CCDC85C: variants seen among roughly 807,000 people sequenced by gnomAD.
The protein encoded by CCDC85C is coiled-coil domain containing 85C.
In CCDC85C, 18 loss-of-function variants were observed where a neutral mutation model predicts 38.3. The observed-to-expected ratio is 0.47, with a 90% CI of 0.33 to 0.70. The LOEUF (loss-of-function observed/expected upper bound fraction) is 0.70, where lower values mean the gene tolerates loss of function less well. CCDC85C is among the 30% of genes least tolerant of loss of function. CCDC85C has a pLI of 0.03. For synonymous variants in CCDC85C, 264 were observed against 293.8 expected, an observed-to-expected ratio of 0.90 and a Z score of 1.04; for missense variants, 566 against 621.2, an observed-to-expected ratio of 0.91 and a Z score of 0.94.
intron 1 of CCDC85C, among the ~76,000 whole-genome samples, chr14:99,573,874 A>C (rs1898412754): frequency 6.6e-6 from 1 of 151,882 alleles, no homozygotes; most frequent in African/African-American, 2.4e-5. Context: ...GCCGCCGAGC[A>C]CTCCAGGGCC....
chr14:99,595,115 G>A lies in CCDC85C; in HGVS notation c.793+8052C>T, dbSNP rs530685324. Among the ~76,000 whole-genome samples, 16 of 152,304 alleles carry A rather than the reference G, an allele frequency of 1.1e-4. No homozygotes were observed. The South Asian group carries it at 3.3e-3, about 32-fold the overall frequency. ...AGAAGAGGCTTCAAAGACCCCACCG[G>A]CCCTGGCCTTGCTCACTGCCCCAGT... is the stretch of plus-strand genomic sequence containing the variant. On this transcript the variant is annotated intron_variant, in intron 1 of 5. Transcript: ENST00000380243.
chr14:99,541,929 G>T (rs534119224), intron 1 of CCDC85C, among the ~76,000 whole-genome samples: 2 of 152,320 alleles, frequency 1.3e-5, no homozygotes, highest in South Asian at 2.1e-4. Flanking sequence ...CCCTCCCCAG[G>T]TCTGCCTCCC....
At chr14:99,530,259 G>T (rs1897467339) in intron 2 of CCDC85C, among the ~76,000 whole-genome samples, 1 of 152,194 alleles carries the variant, frequency 6.6e-6, no homozygotes, top group African/African-American at 2.4e-5. Context: ...TTCCTCCCTG[G>T]GCAAGGGAGA....
chr14:99,517,827 T>C (rs1415770480), intron 3 of CCDC85C, among the ~76,000 whole-genome samples: 1 of 152,154 alleles, frequency 6.6e-6, no homozygotes, highest in South Asian at 2.1e-4. Context: ...AGGGTCCATG[T>C]GGCTGGGAAG....
chr14:99,544,741 G>A lies in CCDC85C; in HGVS notation c.794-8653C>T, dbSNP rs1055715426. ...TCGCCTCCAAGGGCACCAGATAAGCGCCCAGCCCCAGATGTGAAAAGACTT... is the reference window on the plus strand; with the variant it reads ...TCGCCTCCAAGGGCACCAGATAAGCACCCAGCCCCAGATGTGAAAAGACTT... On this transcript the variant is annotated intron_variant, in intron 1 of 5. Transcript: ENST00000380243. This position sits in a 1 kb window ranked among gnomAD's most constrained non-coding sequence, Gnocchi z 5.3. Among the ~76,000 whole-genome samples, 7 of 151,770 alleles carry A rather than the reference G, an allele frequency of 4.6e-5. No individual in the cohort carries two copies. Among genetic ancestry groups the A allele is most frequent in the Non-Finnish European group, 4.4e-5 (3 of 67,970 alleles).
intron 1 of CCDC85C, among the ~76,000 whole-genome samples, chr14:99,592,103 C>T (rs1595106898): frequency 6.6e-6 from 1 of 152,224 alleles, no homozygotes; most frequent in East Asian, 1.9e-4. Context: ...TAGACCAGGG[C>T]TTCCCAGCGG....
At chr14:99,517,372 G>A (rs34772553) in intron 3 of CCDC85C, among the ~76,000 whole-genome samples, 189 bp from the exon 4 acceptor site, 2,358 of 152,164 alleles carry the variant, frequency 0.015, 39 homozygotes, top group Middle Eastern at 0.051. Context: ...GGCCAGTCCC[G>A]CCCACCAGGT....
chr14:99,572,417 C>G lies in CCDC85C; in HGVS notation c.793+30750G>C, dbSNP rs796266430. Among the ~76,000 whole-genome samples the G allele has an allele frequency of 4.6e-5, 7 of 152,320 alleles. 1 individual carries two copies. Among genetic ancestry groups the G allele is most frequent in the African/African-American group, 1.7e-4 (7 of 41,566 alleles). On this transcript the variant is annotated intron_variant, in intron 1 of 5. Transcript: ENST00000380243. The surrounding 1 kb of genome is among the most constrained non-coding windows in gnomAD (Gnocchi z 4.4). ...CAGCCTGCAATCCCGGCTCCCACCC[C>G]CACCCCAAGGCCCTGCTCCACAGGG...
At chr14:99,542,809 G>A (rs1206367365) in intron 1 of CCDC85C, among the ~76,000 whole-genome samples, 3 of 152,146 alleles carry the variant, frequency 2.0e-5, no homozygotes, top group African/African-American at 7.2e-5. Flanking sequence ...GCATGTTCCT[G>A]GCCGCCCTAC....
At chr14:99,556,507 T>C (rs564349958) in intron 1 of CCDC85C, among the ~76,000 whole-genome samples, 4 of 152,302 alleles carry the variant, frequency 2.6e-5, no homozygotes, top group African/African-American at 7.2e-5. Context: ...TTTGTCACTA[T>C]GCTATATGAA....
At position 99,508,799 on chromosome 14, in the gene CCDC85C, G is replaced by C. The variant is rs993917233; in HGVS notation, c.*6447C>G. 3.9e-4 allele frequency: 60 copies of C among 152,660 alleles called. No homozygotes were observed. The highest frequency in any genetic ancestry group is 1.4e-3 in the African/African-American group (57 of 41,600). 9.5% of individuals were successfully genotyped at this position (152,660 alleles called of 1,614,324 possible). Reference sequence around the variant, plus strand: ...TTGAAGATTCAGGCTACAGGGTCGAGTGTTGGAAAAGTTGATTTCTGCAAG... The same window carrying C: ...TTGAAGATTCAGGCTACAGGGTCGACTGTTGGAAAAGTTGATTTCTGCAAG... On this transcript the variant is annotated 3_prime_UTR_variant, in exon 6 of 6. Coordinates refer to ENST00000380243, the MANE Select transcript of CCDC85C (RefSeq NM_001144995.2).
chr14:99,604,009 T>G lies in CCDC85C; in HGVS notation c.-50A>C. On this transcript the variant is annotated 5_prime_UTR_variant, in exon 1 of 6. Transcript: ENST00000380243. ...CCCTCGCCCTCGCCCGGCCGGCGCT[T>G]CCCCGCGCCGGGGCTCCGCTGGGCC... The G allele has an allele frequency of 8.6e-7, 1 of 1,168,794 alleles. No homozygotes were observed. The highest frequency in any genetic ancestry group is 4.0e-5 in the South Asian group (1 of 25,200). The allele number at this position is 1,168,794 out of a possible 1,614,324, so 72.4% of individuals were successfully genotyped here. A position where few individuals can be genotyped will look rare whatever the true frequency, so the allele number is the denominator to read the frequency against.
At chr14:99,554,198 G>A (rs751487496) in intron 1 of CCDC85C, among the ~76,000 whole-genome samples, 13 of 152,142 alleles carry the variant, frequency 8.5e-5, no homozygotes, top group Admixed American at 2.6e-4. Flanking sequence ...GAAGAGGACT[G>A]TGGCCATCCC....
rs77846846 is a variant in CCDC85C, at chr14:99,552,105, G to A, written c.794-16017C>T. 5.0e-3 allele frequency among the ~76,000 whole-genome samples: 762 copies of A among 152,306 alleles called. 11 individuals carry two copies. In the South Asian group the frequency reaches 0.058, roughly 12 times the overall value. ...AACCCGGAACCTGGGGGTCCAGGTG[G>A]GAGGCTCAGGAAGGAGTGGAGGAGG... On this transcript the variant is annotated intron_variant, in intron 1 of 5. Coordinates refer to ENST00000380243, the MANE Select transcript of CCDC85C (RefSeq NM_001144995.2).
intron 2 of CCDC85C, among the ~76,000 whole-genome samples, chr14:99,531,995 C>T (rs1897503424): frequency 6.6e-6 from 1 of 152,212 alleles, no homozygotes; most frequent in South Asian, 2.1e-4. Context: ...CCCTCTTGGC[C>T]GTGGAGACTG....
At chr14:99,534,473 C>T (rs186926195) in intron 2 of CCDC85C, among the ~76,000 whole-genome samples, 2 of 152,312 alleles carry the variant, frequency 1.3e-5, no homozygotes, top group African/African-American at 4.8e-5. Context: ...TCAGGGCAGA[C>T]GCGTGAGGTC....
At chr14:99,542,596 G>A (rs1595353473) in intron 1 of CCDC85C, among the ~76,000 whole-genome samples, 1 of 152,170 alleles carries the variant, frequency 6.6e-6, no homozygotes, top group Non-Finnish European at 1.5e-5. Flanking sequence ...GAGGCTCCGG[G>A]TAGCAGCCGG....
In CCDC85C at chr14:99,566,441, G is replaced by A. The variant is rs543560524; in HGVS notation, c.794-30353C>T. Among the ~76,000 whole-genome samples the A allele has an allele frequency of 1.1e-4, 16 of 152,220 alleles. No individual in the cohort carries two copies. In the South Asian group the frequency reaches 1.2e-3, roughly 12 times the overall value. ...ATCCAGGGCTGACTGGCTCACAGCC[G>A]GGATCTTCAGGGATACACCCCTGGC... is the stretch of plus-strand genomic sequence containing the variant. On this transcript the variant is annotated intron_variant, in intron 1 of 5. Transcript: ENST00000380243.
Position 99,509,770 on chromosome 14 carries a change from G to A in CCDC85C, c.*5476C>T, listed in dbSNP as rs1897072985. On this transcript the variant is annotated 3_prime_UTR_variant, in exon 6 of 6. Coordinates refer to ENST00000380243, the MANE Select transcript of CCDC85C (RefSeq NM_001144995.2). The stretch of plus-strand genomic sequence containing the variant: ...CAAAATGCCACTGCTGCAGACAGGA[G>A]TTCAGTGTGGCCCTGACCCCTGGGG... 7.8e-6 allele frequency: 2 copies of A among 256,782 alleles called. No homozygotes were observed. Among genetic ancestry groups the A allele is most frequent in the South Asian group, 8.9e-5 (1 of 11,266 alleles). 15.9% of individuals were successfully genotyped at this position (256,782 alleles called of 1,614,324 possible).
Sources: gnomAD v4.1 joint callset for allele counts (sites outside exome capture counted in the v4.1 genomes callset) on GRCh38, gnomAD v4.1.1 for gene constraint, Gnocchi (gnomAD v3.1) non-coding constraint, MANE v1.5 for transcripts, NCBI Gene and HGNC (gene_info 2026-07-23, HGNC 2026-07-21) for gene names.